The following CCDC171 variants were observed in gnomAD, a reference collection of about 807,000 sequenced individuals.
The protein encoded by CCDC171 is coiled-coil domain containing 171, also known as coiled-coil domain-containing protein 171.
Under a neutral mutation model 168.2 loss-of-function variants are expected in CCDC171, and 177 were observed. The ratio of observed to expected loss-of-function variants is 1.05; its 90% CI spans 0.93 to 1.19. CCDC171 has a LOEUF of 1.19. CCDC171 is among the 50% of genes most tolerant of loss of function. The pLI, the probability that CCDC171 is intolerant of heterozygous loss-of-function variation, is 0.00. For synonymous variants in CCDC171, 687 were observed against 540.8 expected (o/e 1.27, Z -3.75); for missense variants, 1,991 against 1,539.0 (o/e 1.29, Z -4.91).
At chr9:15,739,109 G>T (rs1233231902) in intron 16 of CCDC171, among the ~76,000 whole-genome samples, 1 of 152,180 alleles carries the variant, frequency 6.6e-6, no homozygotes, top group Non-Finnish European at 1.5e-5. Flanking sequence ...TTAAATGCCT[G>T]AGTGACCCTT....
intron 24 of CCDC171, among the ~76,000 whole-genome samples, chr9:15,897,613 G>A (rs1163044050): frequency 6.6e-6 from 1 of 152,116 alleles, no homozygotes; most frequent in African/African-American, 2.4e-5. Flanking sequence ...ATTAATGATT[G>A]TGAGATCTTT....
intron 10 of CCDC171, among the ~76,000 whole-genome samples, chr9:15,683,083 T>G (rs1247232206): frequency 6.6e-6 from 1 of 152,014 alleles, no homozygotes; most frequent in Non-Finnish European, 1.5e-5. Context: ...CGTCATTTCT[T>G]GAGATTTGTT....
intron 25 of CCDC171, among the ~76,000 whole-genome samples, chr9:15,940,252 C>T (rs923881718): frequency 6.6e-6 from 1 of 151,856 alleles, no homozygotes; most frequent in Non-Finnish European, 1.5e-5. Flanking sequence ...AAAGACTTTT[C>T]ATAGTAATAT....
At chr9:15,675,131 T>C (rs558421618) in intron 9 of CCDC171, among the ~76,000 whole-genome samples, 4 of 152,192 alleles carry the variant, frequency 2.6e-5, no homozygotes, top group East Asian at 1.9e-4. Context: ...TCTTTGTCTC[T>C]TTTGATCTTT....
chr9:15,745,615 C>A lies in CCDC171; in HGVS notation c.2655C>A (p.Asp885Glu), dbSNP rs779856240. 6.4e-7 allele frequency: 1 copy of A among 1,553,374 alleles called. No homozygotes were observed. The highest frequency in any genetic ancestry group is 8.7e-7 in the Non-Finnish European group (1 of 1,153,564). Reference protein sequence around the residue: ...AIISSMAELQDVIGKADPNSR... With the variant: ...AIISSMAELQEVIGKADPNSR... ...TCAGTTCTATGGCTGAATTACAAGA[C>A]GTCATTGGTAAAGCAGGTATGGTTC... The change falls in exon 18 of 26, where the codon GAC (aspartate) becomes GAA (glutamate). Residue 885 changes from aspartate to glutamate, a missense_variant. Coordinates refer to ENST00000380701, the MANE Select transcript of CCDC171 (RefSeq NM_173550.4).
At chr9:15,649,044 AC>A (rs1424198585) in intron 7 of CCDC171, among the ~76,000 whole-genome samples, 2 of 152,222 alleles carry the variant, frequency 1.3e-5, no homozygotes, top group Non-Finnish European at 2.9e-5. Flanking sequence ...TGGTACCAAA[AC>A]AGAGATATAG....
At chr9:15,715,797 AAAT>A (rs1470946717) in intron 11 of CCDC171, among the ~76,000 whole-genome samples, 2 of 152,236 alleles carry the variant, frequency 1.3e-5, no homozygotes, top group Non-Finnish European at 2.9e-5. Flanking sequence ...TGGATTACTG[AAAT>A]AATGATGTCA....
At chr9:15,735,434 G>GT (rs887300577) in intron 16 of CCDC171, among the ~76,000 whole-genome samples, 131 of 148,682 alleles carry the variant, frequency 8.8e-4, no homozygotes, top group African/African-American at 2.2e-3. Flanking sequence ...TAGAAGTAAA[G>GT]TTTTTTTTTT....
At chr9:15,874,769 A>C in intron 24 of CCDC171, 106 bp downstream of exon 24, 1 of 1,053,620 alleles carries the variant, frequency 9.5e-7, no homozygotes, top group Non-Finnish European at 1.3e-6. Flanking sequence ...TTTAAAGGAG[A>C]TGCAAATAGA....
intron 25 of CCDC171, among the ~76,000 whole-genome samples, chr9:15,960,487 G>A (rs1008854091): frequency 3.3e-5 from 5 of 152,224 alleles, no homozygotes; most frequent in African/African-American, 1.2e-4. Flanking sequence ...TGATAATATA[G>A]GGAGTCAATT....
In CCDC171 at chr9:16,054,656, A is replaced by T. The variant is rs529443549; in HGVS notation, n.90-5990A>T. On this transcript the variant is annotated intron_variant and non_coding_transcript_variant, in intron 1 of 1. Coordinates refer to the CCDC171 transcript ENST00000478913. ...CTGCCGGCTTCAAGGTTCAAAAAAT[A>T]TATTTTTTAATGTAAAAAGCCATTT... is the stretch of plus-strand genomic sequence containing the variant. Among the ~76,000 whole-genome samples, 11 of 152,344 alleles carry T rather than the reference A, an allele frequency of 7.2e-5. No individual in the cohort carries two copies. In the East Asian group the frequency reaches 1.7e-3, roughly 24 times the overall value.
chr9:15,782,348 C>T (rs374674174), intron 20 of CCDC171, among the ~76,000 whole-genome samples: 16 of 152,234 alleles, frequency 1.1e-4, no homozygotes, highest in East Asian at 7.7e-4. Context: ...CACTTGCTTT[C>T]ACACACCATC....
At chr9:16,017,549 C>CT (rs201880678) in intron 3 of CCDC171, among the ~76,000 whole-genome samples, 2,762 of 152,120 alleles carry the variant, frequency 0.018, 79 homozygotes, top group African/African-American at 0.062. Flanking sequence ...AGAAAATAAA[C>CT]TTTCAAAGTT....
chr9:15,854,283 A>G (rs959707023), intron 23 of CCDC171, among the ~76,000 whole-genome samples: 4 of 151,250 alleles, frequency 2.6e-5, no homozygotes, highest in African/African-American at 7.3e-5. Context: ...TTCTCGTTAT[A>G]GATTTCAGAT....
the CCDC171 span, among the ~76,000 whole-genome samples, chr9:16,068,795 TA>T: frequency 5.3e-5 from 7 of 132,984 alleles, no homozygotes; most frequent in Non-Finnish European, 1.1e-4. Flanking sequence ...TTCTGGTTTT[TA>T]TGGGGGCAGT....
At chr9:15,969,085 G>A (rs1361060608) in intron 25 of CCDC171, among the ~76,000 whole-genome samples, 2 of 151,972 alleles carry the variant, frequency 1.3e-5, no homozygotes, top group African/African-American at 4.8e-5. Flanking sequence ...TCCATGTTTA[G>A]GACATAACGT....
intron 4 of CCDC171, among the ~76,000 whole-genome samples, chr9:15,590,280 T>A (rs1390121088): frequency 6.6e-6 from 1 of 152,242 alleles, no homozygotes; most frequent in African/African-American, 2.4e-5. Context: ...GTATGATTGA[T>A]TCAAAATGCA....
intron 21 of CCDC171, among the ~76,000 whole-genome samples, chr9:15,785,629 T>G (rs1460405972): frequency 6.6e-6 from 1 of 152,094 alleles, no homozygotes; most frequent in African/African-American, 2.4e-5. Context: ...ATAAAACACT[T>G]AGGTACTCCT....
chr9:15,992,221 G>A (rs1163119241), intron 3 of CCDC171, among the ~76,000 whole-genome samples: 1 of 152,178 alleles, frequency 6.6e-6, no homozygotes, highest in Non-Finnish European at 1.5e-5. Context: ...AGGTCAAAAA[G>A]CTTATCCACC....
Sources: gnomAD v4.1 joint callset for allele counts (sites outside exome capture counted in the v4.1 genomes callset) on GRCh38, gnomAD v4.1.1 for gene constraint, MANE v1.5 for transcripts, NCBI Gene and HGNC (gene_info 2026-07-23, HGNC 2026-07-21) for gene names.